The following PTPRC variants were observed in gnomAD, a reference collection of about 807,000 sequenced individuals.
PTPRC encodes receptor-type tyrosine-protein phosphatase C.
PTPRC carries 44 observed loss-of-function variants against 155.9 expected under a neutral mutation model. That is an observed-to-expected ratio of 0.28 (90% confidence interval 0.22 to 0.36). The LOEUF is 0.36. PTPRC is among the 10% of genes least tolerant of loss of function. The probability of loss-of-function intolerance (pLI) is 1.00; values close to 1 mark genes in which losing one functional copy is unlikely to be tolerated. For missense variants in PTPRC, 1,401 were observed against 1,564.6 expected (o/e 0.90, Z 1.76); for synonymous variants, 525 against 533.1 (o/e 0.98, Z 0.21).
chr1:198,703,712 G>C (rs1004558307), intron 7 of PTPRC: 1 of 341,144 alleles, frequency 2.9e-6, no homozygotes. Context: ...AGCATCAGAC[G>C]GCTGATGGCA....
At chr1:198,674,570 A>G (rs1664839483) in intron 2 of PTPRC, among the ~76,000 whole-genome samples, 1 of 148,768 alleles carries the variant, frequency 6.7e-6, no homozygotes, top group South Asian at 2.1e-4. Context: ...AATAACATAT[A>G]ATTATAACAT....
chr1:198,691,300 TCTCTA>T (rs1665911333), intron 2 of PTPRC, among the ~76,000 whole-genome samples: 1 of 152,072 alleles, frequency 6.6e-6, no homozygotes, highest in African/African-American at 2.4e-5. Flanking sequence ...CTGATTCACC[TCTCTA>T]CTCACTGTTT....
At chr1:198,740,116 A>G (rs2102508908) in intron 23 of PTPRC, among the ~76,000 whole-genome samples, 1 of 152,030 alleles carries the variant, frequency 6.6e-6, no homozygotes, top group South Asian at 2.1e-4. Flanking sequence ...ATTAAAAAAG[A>G]AAAATTTCAA....
chr1:198,707,899 A>T (rs950478038), intron 9 of PTPRC, among the ~76,000 whole-genome samples: 45 of 152,222 alleles, frequency 3.0e-4, no homozygotes, highest in Non-Finnish European at 5.3e-4. Flanking sequence ...AACGTGGTAT[A>T]ACTTATAAAT....
At chr1:198,679,437 G>A (rs1382076620) in intron 2 of PTPRC, 2 of 142,036 alleles carry the variant, frequency 1.4e-5, no homozygotes, top group Admixed American at 7.3e-5. Flanking sequence ...ATTTTTAGTA[G>A]AGACGGGGTT....
In PTPRC at chr1:198,699,662, A is replaced by C. The variant is rs747294735; in HGVS notation, c.397A>C (p.Asn133His). Residue 133 changes from asparagine to histidine, a missense_variant, in exon 5 of 33, where the codon AAT becomes CAT. Physicochemically the swap from Asn to His is moderately conservative, Grantham distance 68. Transcript: ENST00000442510. The stretch of plus-strand genomic sequence containing the variant: ...GCAGACATTCAGCGGCTCCGCCGCC[A>C]ATGCAAAACTCAACCCTACCCCAGG... ...DTQTFSGSAA[N>H]AKLNPTPGSN... 4.3e-6 allele frequency: 7 copies of C among 1,614,210 alleles called. No homozygotes were observed. In the Admixed American group the frequency reaches 1.2e-4, roughly 27 times the overall value.
At chr1:198,647,923 A>G (rs555648091) in intron 2 of PTPRC, among the ~76,000 whole-genome samples, 31 of 152,038 alleles carry the variant, frequency 2.0e-4, no homozygotes, top group African/African-American at 6.5e-4. Flanking sequence ...TCAGCACCCC[A>G]AAACTTCCTC....
chr1:198,679,831 T>C, intron 2 of PTPRC: 1 of 560,796 alleles, frequency 1.8e-6, no homozygotes, highest in Non-Finnish European at 3.2e-6. Context: ...GCCGGGAGCG[T>C]CCGGGTCTGT....
chr1:198,692,929 G>T (rs1460086961), intron 3 of PTPRC: 6 of 912,820 alleles, frequency 6.6e-6, no homozygotes, highest in Non-Finnish European at 6.5e-6. Context: ...AAAACACAGA[G>T]ATGCTGCAAA....
At chr1:198,743,493 A>G (rs1168735459) in intron 25 of PTPRC, among the ~76,000 whole-genome samples, 1 of 151,876 alleles carries the variant, frequency 6.6e-6, no homozygotes. Context: ...GGATTATCAG[A>G]AGTATACCAT....
Position 198,671,612 on chromosome 1 carries a change from A to G in PTPRC, c.74-20735A>G, listed in dbSNP as rs1020114867. Among the ~76,000 whole-genome samples the G allele has an allele frequency of 2.0e-5, 3 of 152,154 alleles. No individual in the cohort carries two copies. The Middle Eastern group carries it at 9.5e-3, about 481-fold the overall frequency. On this transcript the variant is annotated intron_variant, in intron 2 of 32. Transcript: ENST00000442510. Reference sequence around the variant, plus strand: ...CCAGTTCTGCTGTCTTTTTTGTATTAAAGACCAATTTCTCCAACTATGCAC... The same window carrying G: ...CCAGTTCTGCTGTCTTTTTTGTATTGAAGACCAATTTCTCCAACTATGCAC...
rs1312984894 is a variant in PTPRC at position 198,756,312 on chromosome 1, T to C, written c.*131T>C. The C allele has an allele frequency of 3.4e-6, 4 of 1,182,338 alleles. No individual in the cohort carries two copies. The Admixed American group carries it at 6.6e-5, about 19-fold the overall frequency. 73.2% of individuals were successfully genotyped at this position (1,182,338 alleles called of 1,614,324 possible). On this transcript the variant is annotated 3_prime_UTR_variant, in exon 33 of 33. Coordinates refer to ENST00000442510, the MANE Select transcript of PTPRC (RefSeq NM_002838.5). Reference sequence around the variant, plus strand: ...CGAACCAATATTTGTAGAAGGGTTATATTTTACTACTGTGGAAAAATATTT... The same window carrying C: ...CGAACCAATATTTGTAGAAGGGTTACATTTTACTACTGTGGAAAAATATTT...
At chr1:198,662,271 TAAC>T (rs1224089108) in intron 2 of PTPRC, among the ~76,000 whole-genome samples, 3 of 152,208 alleles carry the variant, frequency 2.0e-5, no homozygotes, top group Admixed American at 1.3e-4. Context: ...TTCTAATTCT[TAAC>T]AACTTTATAA....
intron 2 of PTPRC, among the ~76,000 whole-genome samples, chr1:198,667,322 G>A (rs777012082): frequency 6.6e-6 from 1 of 152,182 alleles, no homozygotes. Flanking sequence ...CATTTAACAA[G>A]GAAGAATGGG....
chr1:198,738,092 G>T (rs1654731340), intron 23 of PTPRC, among the ~76,000 whole-genome samples: 1 of 151,654 alleles, frequency 6.6e-6, no homozygotes, highest in African/African-American at 2.4e-5. Flanking sequence ...TAAGATAATG[G>T]AATGTGCAAA....
Position 198,732,288 on chromosome 1 carries a change from T to C in PTPRC, c.1975-12T>C, listed in dbSNP as rs1449844381. 1.2e-6 allele frequency: 2 copies of C among 1,602,482 alleles called. No homozygotes were observed. Among genetic ancestry groups the C allele is most frequent in the Non-Finnish European group, 1.7e-6 (2 of 1,170,096 alleles). ...AATCTGCTGTGATCCAAGAAATCGT[T>C]GTTTCTTTCAGAGCATCCCGCGGGT... On this transcript the variant is annotated splice_polypyrimidine_tract_variant and intron_variant, in intron 18 of 32. Transcript: ENST00000442510.
chr1:198,750,661 C>T, intron 29 of PTPRC, 35 bp downstream of exon 29: 1 of 1,607,454 alleles, frequency 6.2e-7, no homozygotes, highest in Non-Finnish European at 8.5e-7. Flanking sequence ...TTAAGCCTTT[C>T]TGTCATAAAA....
chr1:198,724,224 CT>C (rs1383201068), intron 15 of PTPRC, among the ~76,000 whole-genome samples: 3 of 152,140 alleles, frequency 2.0e-5, no homozygotes, highest in African/African-American at 7.2e-5. Flanking sequence ...AATATAGTTT[CT>C]TTTAAAATAG....
chr1:198,755,263 A>G (rs1655585046), intron 32 of PTPRC, among the ~76,000 whole-genome samples: 1 of 152,108 alleles, frequency 6.6e-6, no homozygotes, highest in Non-Finnish European at 1.5e-5. Flanking sequence ...TATACCCTCT[A>G]TGTGGTAGTA....
Sources: allele counts gnomAD v4.1 joint callset (sites outside exome capture counted in the v4.1 genomes callset), GRCh38; gene constraint gnomAD v4.1.1; transcripts MANE v1.5; gene names NCBI Gene and HGNC (gene_info 2026-07-23, HGNC 2026-07-21).